CDH8: variants seen among roughly 807,000 people sequenced by gnomAD.
CDH8 encodes cadherin 8, also known as cadherin-8.
Under a neutral mutation model 68.1 loss-of-function variants are expected in CDH8, and 17 were observed. That is an observed-to-expected ratio of 0.25 (90% CI 0.17 to 0.37). The LOEUF is 0.37. Among genes scored for constraint, CDH8 ranks in the 10% least tolerant of loss-of-function variants. The pLI, the probability that CDH8 is intolerant of heterozygous loss-of-function variation, is 1.00. For synonymous variants in CDH8, 372 were observed against 365.1 expected (o/e 1.02, Z -0.21); for missense variants, 763 against 999.3 (o/e 0.76, Z 3.19).
chr16:61,799,352 C>T (rs559739518), intron 7 of CDH8, among the ~76,000 whole-genome samples: 6 of 152,144 alleles, frequency 3.9e-5, no homozygotes, highest in African/African-American at 7.2e-5. Flanking sequence ...GACCATAGGA[C>T]CAGATCCAGT....
In CDH8 at chr16:61,974,302, G is replaced by GAA. The variant is rs1965399203; in HGVS notation, c.252+46848_252+46849dup. 2.0e-5 allele frequency among the ~76,000 whole-genome samples: 3 copies of GAA among 152,182 alleles called. No homozygotes were observed. The South Asian group carries it at 6.2e-4, about 32-fold the overall frequency. ...TTTATTAAGTGAACACAGGCATCCTGAACTATGCTGGTCTTACCATGCAAA... is the reference window on the plus strand; with the variant it reads ...TTTATTAAGTGAACACAGGCATCCTGAAAACTATGCTGGTCTTACCATGCAAA... On this transcript the variant is annotated intron_variant, in intron 2 of 11. Transcript: ENST00000577390.
chr16:61,677,195 A>C (rs1177936519), intron 10 of CDH8, among the ~76,000 whole-genome samples: 1 of 150,010 alleles, frequency 6.7e-6, no homozygotes, highest in Non-Finnish European at 1.5e-5. Context: ...GCTGTATCTG[A>C]TTCTGATCTC....
At chr16:61,940,862 C>T (rs924805457) in intron 2 of CDH8, among the ~76,000 whole-genome samples, 1 of 152,210 alleles carries the variant, frequency 6.6e-6, no homozygotes, top group African/African-American at 2.4e-5. Context: ...CTTTGTCTAT[C>T]TTTCAAGCAT....
intron 2 of CDH8, among the ~76,000 whole-genome samples, chr16:61,960,072 T>C (rs867789407): frequency 7.5e-6 from 1 of 133,542 alleles, no homozygotes; most frequent in Non-Finnish European, 1.6e-5. Context: ...TGTATACACA[T>C]ACATATATAC....
intron 8 of CDH8, among the ~76,000 whole-genome samples, chr16:61,739,626 A>G (rs1255797333): frequency 1.3e-5 from 2 of 150,994 alleles, no homozygotes; most frequent in Non-Finnish European, 2.9e-5. Flanking sequence ...TATTGCACCA[A>G]CCTAATATGT....
chr16:61,771,349 A>G lies in CDH8; in HGVS notation c.1414+17997T>C, dbSNP rs146099154. On this transcript the variant is annotated intron_variant, in intron 8 of 11. Transcript: ENST00000577390. The stretch of plus-strand genomic sequence containing the variant: ...AATGTGAAAAACAGTTCAGCAGGAA[A>G]TCAAATGCTGGCTCAGTATGGGTAT... Among the ~76,000 whole-genome samples the G allele has an allele frequency of 2.0e-3, 303 of 151,838 alleles. 1 individual carries two copies. Among genetic ancestry groups the G allele is most frequent in the Non-Finnish European group, 3.6e-3 (246 of 67,850 alleles).
intron 10 of CDH8, among the ~76,000 whole-genome samples, chr16:61,661,891 CTAA>C (rs1386862930): frequency 6.6e-6 from 1 of 151,504 alleles, no homozygotes; most frequent in Non-Finnish European, 1.5e-5. Context: ...TCTTAGTACA[CTAA>C]TGAGAACTTC....
At chr16:61,814,546 CTG>C (rs774992870) in intron 7 of CDH8, among the ~76,000 whole-genome samples, 2 of 152,182 alleles carry the variant, frequency 1.3e-5, no homozygotes, top group Non-Finnish European at 2.9e-5. Context: ...CAACAAATAA[CTG>C]TATGTTTTAG....
intron 2 of CDH8, among the ~76,000 whole-genome samples, chr16:62,018,249 A>G (rs1901989926): frequency 6.6e-6 from 1 of 152,138 alleles, no homozygotes; most frequent in Non-Finnish European, 1.5e-5. Flanking sequence ...AAAACAGATG[A>G]TGGATGCTGT....
chr16:61,769,012 T>C (rs1960708753), intron 8 of CDH8, among the ~76,000 whole-genome samples: 1 of 151,720 alleles, frequency 6.6e-6, no homozygotes, highest in Non-Finnish European at 1.5e-5. Context: ...ATATTTACCA[T>C]ATTGTAAGTT....
intron 3 of CDH8, among the ~76,000 whole-genome samples, chr16:61,871,815 CAAAAAAAAAAAAA>C (rs144379377): frequency 1.4e-3 from 60 of 43,348 alleles, no homozygotes; most frequent in African/African-American, 3.4e-3. Flanking sequence ...GTTCTATATG[CAAAAAAAAAAAAA>C]AAAAAAAAAA....
At chr16:61,910,716 GT>G (rs1225314661) in intron 2 of CDH8, among the ~76,000 whole-genome samples, 1 of 152,068 alleles carries the variant, frequency 6.6e-6, no homozygotes, top group East Asian at 1.9e-4. Context: ...GGCATATAGG[GT>G]GGACTCTTAT....
At chr16:62,034,166 C>A (rs1230415047) in intron 1 of CDH8, among the ~76,000 whole-genome samples, 1 of 147,820 alleles carries the variant, frequency 6.8e-6, no homozygotes, top group Non-Finnish European at 1.5e-5. Flanking sequence ...TCCCAGCCCC[C>A]ACCTCATATA....
chr16:61,839,202 T>C (rs1201424528), intron 4 of CDH8, among the ~76,000 whole-genome samples: 2 of 152,112 alleles, frequency 1.3e-5, no homozygotes, highest in Non-Finnish European at 2.9e-5. Context: ...ATTATCAAGA[T>C]CTTTAACTTT....
intron 2 of CDH8, among the ~76,000 whole-genome samples, chr16:61,970,784 CCT>C (rs957911393): frequency 5.9e-5 from 9 of 152,210 alleles, no homozygotes; most frequent in African/African-American, 1.7e-4. Context: ...AAGACTGGCC[CCT>C]GTCAGGCCTC....
In CDH8 at chr16:61,768,894, C is replaced by T. The variant is rs181001781; in HGVS notation, c.1414+20452G>A. On this transcript the variant is annotated intron_variant, in intron 8 of 11. Coordinates refer to ENST00000577390, the MANE Select transcript of CDH8 (RefSeq NM_001796.5). ...GAAAATAAATAACTTTCTAAGGCAT[C>T]AGTTCTCAAACAATTTGGTCTCAGG... Among the ~76,000 whole-genome samples the T allele has an allele frequency of 4.5e-4, 68 of 151,848 alleles. 1 individual carries two copies. Among genetic ancestry groups the T allele is most frequent in the African/African-American group, 1.6e-3 (67 of 41,492 alleles).
At chr16:61,898,225 G>A (rs934155522) in intron 3 of CDH8, among the ~76,000 whole-genome samples, 3 of 152,088 alleles carry the variant, frequency 2.0e-5, no homozygotes, top group African/African-American at 7.2e-5. Flanking sequence ...GCATGAAACA[G>A]GGAGGCGGAG....
At chr16:61,907,512 C>T (rs1340558009) in intron 2 of CDH8, among the ~76,000 whole-genome samples, 3 of 151,626 alleles carry the variant, frequency 2.0e-5, no homozygotes, top group Non-Finnish European at 4.4e-5. Context: ...GACCCTGTAT[C>T]TAAAAAAAAT....
intron 2 of CDH8, among the ~76,000 whole-genome samples, chr16:61,919,607 T>G (rs1302624532): frequency 9.0e-4 from 135 of 149,366 alleles, no homozygotes; most frequent in Middle Eastern, 6.8e-3. Flanking sequence ...AGAAGGGAAG[T>G]TTAGAGAAAA....
Sources: gnomAD v4.1 joint callset for allele counts (sites outside exome capture counted in the v4.1 genomes callset) on GRCh38, gnomAD v4.1.1 for gene constraint, MANE v1.5 for transcripts, NCBI Gene and HGNC (gene_info 2026-07-23, HGNC 2026-07-21) for gene names.